ATXN1: variants seen among roughly 807,000 people sequenced by gnomAD.
ATXN1 encodes the protein ataxin-1.
A neutral mutation model predicts 56.4 loss-of-function variants in ATXN1; 8 were observed. The observed-to-expected ratio is 0.14, with a 90% CI of 0.08 to 0.26. The LOEUF is 0.26. Ranked by LOEUF, ATXN1 falls within the 10% of genes least tolerant of loss-of-function variation. The pLI is 1.00. For missense variants in ATXN1, 987 were observed against 1,106.5 expected, an observed-to-expected ratio of 0.89 and a Z score of 1.53; for synonymous variants, 514 against 494.6, an observed-to-expected ratio of 1.04 and a Z score of -0.52.
At chr6:16,741,732 TC>T (rs1760346051) in intron 2 of ATXN1, among the ~76,000 whole-genome samples, 1 of 152,222 alleles carries the variant, frequency 6.6e-6, no homozygotes, top group South Asian at 2.1e-4. Flanking sequence ...CATTTCAAGG[TC>T]CTACTCAGAA....
chr6:16,624,667 T>C (rs1271515456), intron 3 of ATXN1, among the ~76,000 whole-genome samples: 1 of 152,170 alleles, frequency 6.6e-6, no homozygotes, highest in African/African-American at 2.4e-5. Context: ...AGTGCACAAA[T>C]GCTATAACAG....
chr6:16,312,387 A>G (rs1041250138), intron 7 of ATXN1, among the ~76,000 whole-genome samples: 1 of 151,986 alleles, frequency 6.6e-6, no homozygotes, highest in South Asian at 2.1e-4. Context: ...CAAAAGAACG[A>G]ACATAACTAA....
intron 6 of ATXN1, among the ~76,000 whole-genome samples, chr6:16,417,698 A>G (rs1758942625): frequency 6.6e-6 from 1 of 152,082 alleles, no homozygotes; most frequent in Non-Finnish European, 1.5e-5. Flanking sequence ...TCGGCCTCCC[A>G]AAGTGCTGGG....
chr6:16,750,540 G>A (rs1385727266), intron 2 of ATXN1, among the ~76,000 whole-genome samples: 1 of 152,328 alleles, frequency 6.6e-6, no homozygotes, highest in Non-Finnish European at 1.5e-5. Flanking sequence ...GATGCAAAAT[G>A]TTTAGATAAT....
At chr6:16,586,120 C>T (rs997199205) in intron 3 of ATXN1, among the ~76,000 whole-genome samples, 3 of 151,872 alleles carry the variant, frequency 2.0e-5, no homozygotes, top group African/African-American at 7.3e-5. Context: ...ACAGCAGGTC[C>T]CTATCCCCAG....
At chr6:16,307,522 A>T (rs1760279627) in intron 7 of ATXN1, among the ~76,000 whole-genome samples, 3 of 152,042 alleles carry the variant, frequency 2.0e-5, no homozygotes, top group South Asian at 4.2e-4. Context: ...TAAAAAAAAA[A>T]AATTAGCCAT....
chr6:16,627,730 GCAAA>G (rs1243898927), intron 3 of ATXN1, among the ~76,000 whole-genome samples: 1 of 151,918 alleles, frequency 6.6e-6, no homozygotes, highest in African/African-American at 2.4e-5. Context: ...CCATCTCAAA[GCAAA>G]CAAACAAACA....
Position 16,587,016 on chromosome 6 carries a change from C to CAA in ATXN1, c.-488-1111_-488-1110dup, listed in dbSNP as rs71656942. ...CTGGTGACAAAGCAAGACTCTGTCT[C>CAA]AAAAAAAAAAAAAGTATCAAATCAC... On this transcript the variant is annotated intron_variant, in intron 3 of 7. Coordinates refer to ENST00000436367, the MANE Select transcript of ATXN1 (RefSeq NM_001128164.2). 8.4e-5 allele frequency among the ~76,000 whole-genome samples: 12 copies of CAA among 142,194 alleles called. No homozygotes were observed. The East Asian group carries it at 1.4e-3, about 17-fold the overall frequency. The allele number at this position is 142,194 out of a possible 152,430, so 93.3% of individuals were successfully genotyped here. A position where few individuals can be genotyped will look rare whatever the true frequency, so the allele number is the denominator to read the frequency against.
intron 6 of ATXN1, among the ~76,000 whole-genome samples, chr6:16,341,321 C>T (rs1761242239): frequency 6.6e-6 from 1 of 152,096 alleles, no homozygotes; most frequent in South Asian, 2.1e-4. Flanking sequence ...CATACTCTCT[C>T]ACCTGCAGAA....
At chr6:16,346,225 T>C (rs926807086) in intron 6 of ATXN1, among the ~76,000 whole-genome samples, 2 of 152,084 alleles carry the variant, frequency 1.3e-5, no homozygotes, top group African/African-American at 4.8e-5. Context: ...CTGGCTAGTT[T>C]TTGTACTTTT....
chr6:16,350,323 C>T (rs922390047), intron 6 of ATXN1, among the ~76,000 whole-genome samples: 5 of 152,272 alleles, frequency 3.3e-5, no homozygotes, highest in African/African-American at 1.2e-4. Flanking sequence ...ACTATAATGC[C>T]TAGCATAAGA....
At chr6:16,647,683 TTAAC>T (rs1176442639) in intron 3 of ATXN1, among the ~76,000 whole-genome samples, 8 of 152,346 alleles carry the variant, frequency 5.3e-5, no homozygotes, top group African/African-American at 1.7e-4. Context: ...GATGAAAGTG[TTAAC>T]TAACTTGATG....
At chr6:16,649,527 C>G (rs1055271258) in intron 3 of ATXN1, among the ~76,000 whole-genome samples, 1 of 152,148 alleles carries the variant, frequency 6.6e-6, no homozygotes, top group African/African-American at 2.4e-5. Flanking sequence ...ATAAATATGG[C>G]TTACAGTGAA....
intron 6 of ATXN1, among the ~76,000 whole-genome samples, chr6:16,460,980 G>A (rs1051362480): frequency 1.3e-5 from 2 of 152,208 alleles, no homozygotes; most frequent in African/African-American, 4.8e-5. Flanking sequence ...AACCTCTGGG[G>A]GAACCCCCAT....
chr6:16,590,355 C>T (rs1762701411), intron 3 of ATXN1, among the ~76,000 whole-genome samples: 1 of 152,134 alleles, frequency 6.6e-6, no homozygotes, highest in African/African-American at 2.4e-5. Flanking sequence ...GAATTGTTTA[C>T]AAATGCTACC....
At position 16,492,348 on chromosome 6, in the gene ATXN1, A is replaced by G. The variant is rs188035437; in HGVS notation, c.-298-6239T>C. Among the ~76,000 whole-genome samples, 5 of 152,166 alleles carry G rather than the reference A, an allele frequency of 3.3e-5. No individual in the cohort carries two copies. In the East Asian group the frequency reaches 7.7e-4, roughly 24 times the overall value. ...TAGATGACGAGTTAATGGGTGCAGC[A>G]CACCAGCATGGCACATGTATACATA... On this transcript the variant is annotated intron_variant, in intron 5 of 7. Transcript: ENST00000436367.
chr6:16,595,387 A>AT (rs1233587030), intron 3 of ATXN1, among the ~76,000 whole-genome samples: 2 of 152,238 alleles, frequency 1.3e-5, no homozygotes, highest in Non-Finnish European at 2.9e-5. Context: ...ATCCTCCTAC[A>AT]TATACCTATA....
chr6:16,679,909 A>G (rs1278607830), intron 2 of ATXN1, among the ~76,000 whole-genome samples: 1 of 152,216 alleles, frequency 6.6e-6, no homozygotes, highest in African/African-American at 2.4e-5. Context: ...AGGATCTCCT[A>G]TTGAGTTCAT....
intron 2 of ATXN1, among the ~76,000 whole-genome samples, chr6:16,713,587 T>C (rs1282876138): frequency 1.3e-5 from 2 of 152,198 alleles, no homozygotes; most frequent in African/African-American, 4.8e-5. Context: ...TTTCAGTGTG[T>C]GTATATGAAG....
Sources: gnomAD v4.1 joint callset for allele counts (sites outside exome capture counted in the v4.1 genomes callset) on GRCh38, gnomAD v4.1.1 for gene constraint, MANE v1.5 for transcripts, NCBI Gene and HGNC (gene_info 2026-07-23, HGNC 2026-07-21) for gene names.